PPIP5K2: variants seen among roughly 807,000 people sequenced by gnomAD.
The protein encoded by PPIP5K2 is inositol hexakisphosphate and diphosphoinositol-pentakisphosphate kinase 2.
PPIP5K2 carries 105 observed loss-of-function variants against 154.6 expected under a neutral mutation model. That is an observed-to-expected ratio of 0.68 (90% CI 0.58 to 0.80). PPIP5K2 has a LOEUF of 0.80. Among genes scored for constraint, PPIP5K2 ranks in the 30% least tolerant of loss-of-function variants. PPIP5K2 has a pLI of 0.00. For synonymous variants in PPIP5K2, 480 were observed against 490.3 expected, an observed-to-expected ratio of 0.98 and a Z score of 0.28; for missense variants, 992 against 1,504.6, an observed-to-expected ratio of 0.66 and a Z score of 5.64.
intron 1 of PPIP5K2, chr5:103,120,725 T>C: frequency 3.1e-6 from 1 of 321,142 alleles, no homozygotes; most frequent in Non-Finnish European, 6.4e-6. Flanking sequence ...CTTTTTCATT[T>C]CTTGGGTTCG....
At chr5:103,169,956 A>G (rs1200487410) in intron 19 of PPIP5K2, among the ~76,000 whole-genome samples, 1 of 151,670 alleles carries the variant, frequency 6.6e-6, no homozygotes, top group Admixed American at 6.6e-5. Context: ...CAGAGGCTAA[A>G]TACACAATGC....
rs371433070 is a variant in PPIP5K2 at position 103,201,600 on chromosome 5, A to G, written c.3698A>G (p.His1233Arg). ...AATATAACTAGCAAAACAGAAACGC[A>G]TGAACACAAAAAAAACACTGGGAAA... ...KKNITSKTET[H>R]EHKKNTGKKK The change falls in exon 31 of 31, where the codon CAT (histidine) becomes CGT (arginine). Residue 1233 changes from histidine (H) to arginine (R), a missense_variant. His to Arg is a conservative substitution (Grantham distance 29). Transcript: ENST00000358359. 1.2e-6 allele frequency: 2 copies of G among 1,608,066 alleles called. No homozygotes were observed. The highest frequency in any genetic ancestry group is 1.7e-5 in the Admixed American group (1 of 59,014).
At chr5:103,133,178 G>A (rs1034079663) in intron 2 of PPIP5K2, among the ~76,000 whole-genome samples, 1 of 152,112 alleles carries the variant, frequency 6.6e-6, no homozygotes, top group African/African-American at 2.4e-5. Context: ...TAAAGAGGGG[G>A]TACTTTCTTA....
At chr5:103,180,400 TA>T (rs747705553) in intron 24 of PPIP5K2, among the ~76,000 whole-genome samples, 1 of 151,786 alleles carries the variant, frequency 6.6e-6, no homozygotes, top group Non-Finnish European at 1.5e-5. Flanking sequence ...ATAGTTTTCA[TA>T]AAAAAAGGAT....
chr5:103,202,176 G>T lies in PPIP5K2; in HGVS notation c.*542G>T, dbSNP rs1444845241. 6.6e-6 allele frequency: 1 copy of T among 152,594 alleles called. No individual in the cohort carries two copies. Among genetic ancestry groups the T allele is most frequent in the East Asian group, 1.9e-4 (1 of 5,186 alleles). 9.5% of individuals were successfully genotyped at this position (152,594 alleles called of 1,614,324 possible). A position where few individuals can be genotyped will look rare whatever the true frequency, so the allele number is the denominator to read the frequency against. ...AACAACTGGAGTATTAGCCACATGG[G>T]TTATTTTTTCAATCTGTGTTTTGAA... is the stretch of plus-strand genomic sequence containing the variant. On this transcript the variant is annotated 3_prime_UTR_variant, in exon 31 of 31. Coordinates refer to ENST00000358359, the MANE Select transcript of PPIP5K2 (RefSeq NM_001276277.3).
intron 21 of PPIP5K2, among the ~76,000 whole-genome samples, chr5:103,177,381 ATGT>A (rs1554221308): frequency 2.4e-4 from 37 of 152,036 alleles, no homozygotes; most frequent in African/African-American, 7.9e-4. Flanking sequence ...TTCGAGTGTC[ATGT>A]TAGTGCTCAA....
intron 17 of PPIP5K2, among the ~76,000 whole-genome samples, chr5:103,162,700 A>G (rs1796490969): frequency 6.6e-6 from 1 of 152,018 alleles, no homozygotes; most frequent in African/African-American, 2.4e-5. Flanking sequence ...ATAGTTTTTC[A>G]TGATTTCCAA....
At chr5:103,134,473 CAAG>C (rs1345493264) in intron 3 of PPIP5K2, among the ~76,000 whole-genome samples, 2 of 152,106 alleles carry the variant, frequency 1.3e-5, no homozygotes, top group Non-Finnish European at 2.9e-5. Flanking sequence ...CTTACTTCAG[CAAG>C]AAGAAGATGG....
rs544628001 is a variant in PPIP5K2 at position 103,142,352 on chromosome 5, G to A, written c.487+3883G>A. On this transcript the variant is annotated intron_variant, in intron 5 of 30. Coordinates refer to ENST00000358359, the MANE Select transcript of PPIP5K2 (RefSeq NM_001276277.3). The stretch of plus-strand genomic sequence containing the variant: ...CGGGGCCCGCCAAGCCCAAGCCCAC[G>A]CCCACCCAGAACTCCAGCTGGCCCG... 2.9e-4 allele frequency among the ~76,000 whole-genome samples: 44 copies of A among 152,236 alleles called. 1 individual carries two copies. In the South Asian group the frequency reaches 9.1e-3, roughly 32 times the overall value.
At chr5:103,128,968 G>A (rs1427221655) in intron 1 of PPIP5K2, among the ~76,000 whole-genome samples, 2 of 151,976 alleles carry the variant, frequency 1.3e-5, no homozygotes, top group Non-Finnish European at 2.9e-5. Context: ...TCATAACTAT[G>A]TGCTAAGAGA....
intron 5 of PPIP5K2, among the ~76,000 whole-genome samples, chr5:103,143,974 T>C (rs952362103): frequency 6.6e-6 from 1 of 151,732 alleles, no homozygotes; most frequent in Non-Finnish European, 1.5e-5. Context: ...GGCATCCAAA[T>C]TGAAAAAAAA....
In PPIP5K2 at chr5:103,203,608, T is replaced by C. The variant is rs1803303023; in HGVS notation, c.*1974T>C. The C allele has an allele frequency of 6.6e-6, 1 of 152,144 alleles. No homozygotes were observed. Among genetic ancestry groups the C allele is most frequent in the Admixed American group, 6.5e-5 (1 of 15,270 alleles). The allele number at this position is 152,144 out of a possible 1,614,324, so 9.4% of individuals were successfully genotyped here. ...GATTCTGTCCTGAGAAGATGTGGGATTTTTTGGTTTTAAATACTAGAAGAT... is the reference window on the plus strand; with the variant it reads ...GATTCTGTCCTGAGAAGATGTGGGACTTTTTGGTTTTAAATACTAGAAGAT... On this transcript the variant is annotated 3_prime_UTR_variant, in exon 31 of 31. Transcript: ENST00000358359.
At chr5:103,191,723 C>G (rs1285981672) in intron 29 of PPIP5K2, among the ~76,000 whole-genome samples, 1 of 151,994 alleles carries the variant, frequency 6.6e-6, no homozygotes, top group East Asian at 1.9e-4. Context: ...TCAGGGCTTC[C>G]TTTTTAGGTG....
intron 4 of PPIP5K2, among the ~76,000 whole-genome samples, 155 bp from the exon 5 acceptor site, chr5:103,138,229 G>A (rs577911251): frequency 6.6e-6 from 1 of 151,758 alleles, no homozygotes; most frequent in Non-Finnish European, 1.5e-5. Context: ...TTGAATATTC[G>A]AAGTGACATT....
chr5:103,141,127 A>G (rs1215947316), intron 5 of PPIP5K2, among the ~76,000 whole-genome samples: 1 of 152,150 alleles, frequency 6.6e-6, no homozygotes, highest in Non-Finnish European at 1.5e-5. Flanking sequence ...AGGTCAGGAG[A>G]TCGAGACCAT....
intron 10 of PPIP5K2, among the ~76,000 whole-genome samples, chr5:103,153,554 A>G (rs1794958314): frequency 6.6e-6 from 1 of 151,934 alleles, no homozygotes; most frequent in Non-Finnish European, 1.5e-5. Context: ...AAAGCTCAGA[A>G]ATTGTAGTCC....
intron 5 of PPIP5K2, among the ~76,000 whole-genome samples, chr5:103,140,477 A>G (rs1410730517): frequency 6.6e-6 from 1 of 152,248 alleles, no homozygotes; most frequent in Non-Finnish European, 1.5e-5. Flanking sequence ...GAAAGCTTAT[A>G]GGCTAGGAGA....
chr5:103,195,524 A>T (rs79476842), intron 30 of PPIP5K2, among the ~76,000 whole-genome samples: 8 of 152,164 alleles, frequency 5.3e-5, no homozygotes, highest in African/African-American at 7.2e-5. Flanking sequence ...CAGTCTGACT[A>T]TGTGACTACC....
rs1562488788 is a variant in PPIP5K2 at position 103,183,313 on chromosome 5, GT to G, written c.3003del (p.Arg1002GlufsTer40). On this transcript the variant is annotated frameshift_variant, in exon 25 of 31. Coordinates refer to ENST00000358359, the MANE Select transcript of PPIP5K2 (RefSeq NM_001276277.3). LOFTEE classifies it high-confidence loss of function. ...LHYTSGVGTG[R>X]RRRRSGEQIT... ...TATACCAGTGGTGTGGGTACTGGGC[GT>G]CGAAGACGCAGATCAGGGGAACAAA... 8.1e-6 allele frequency: 13 copies of G among 1,604,256 alleles called. No homozygotes were observed. Among genetic ancestry groups the G allele is most frequent in the Non-Finnish European group, 1.1e-5 (13 of 1,176,692 alleles).
Sources: allele counts gnomAD v4.1 joint callset (sites outside exome capture counted in the v4.1 genomes callset), GRCh38; gene constraint gnomAD v4.1.1; transcripts MANE v1.5; gene names NCBI Gene and HGNC (gene_info 2026-07-23, HGNC 2026-07-21).